The following MAP4 variants were observed in gnomAD, a reference collection of about 807,000 sequenced individuals.
MAP4 encodes microtubule associated protein 4, also known as microtubule-associated protein 4.
MAP4 carries 76 observed loss-of-function variants against 170.2 expected under a neutral mutation model. The observed-to-expected ratio is 0.45, with a 90% CI of 0.37 to 0.54. The LOEUF is 0.54. Ranked by LOEUF, MAP4 falls within the 20% of genes least tolerant of loss-of-function variation. MAP4 has a pLI of 0.00. For missense variants in MAP4, 2,506 were observed against 2,748.0 expected (o/e 0.91, Z 1.97); for synonymous variants, 909 against 994.5 (o/e 0.91, Z 1.62).
At chr3:47,986,180 T>C (rs1259526608) in intron 2 of MAP4, among the ~76,000 whole-genome samples, 1 of 152,200 alleles carries the variant, frequency 6.6e-6, no homozygotes, top group African/African-American at 2.4e-5. Flanking sequence ...GGTCTTGCTA[T>C]GTTACCCAGG....
intron 2 of MAP4, among the ~76,000 whole-genome samples, chr3:47,988,143 A>G (rs931853594): frequency 1.3e-4 from 19 of 151,604 alleles, no homozygotes; most frequent in Middle Eastern, 3.4e-3. Flanking sequence ...GCAGTGAGCC[A>G]AGATCGCGCC....
At chr3:47,987,481 A>T (rs2100089460) in intron 2 of MAP4, 1 of 1,257,668 alleles carries the variant, frequency 8.0e-7, no homozygotes, top group Non-Finnish European at 1.1e-6. Context: ...GGAAAGTTAC[A>T]TCTAAATCCA....
chr3:47,972,899 A>G (rs1330707602), intron 3 of MAP4, among the ~76,000 whole-genome samples: 3 of 151,916 alleles, frequency 2.0e-5, no homozygotes, highest in African/African-American at 7.2e-5. Context: ...AAAAAAAAAG[A>G]AAAAAGAAAA....
In MAP4 at chr3:47,921,853, A is replaced by G. The variant is rs141764604; in HGVS notation, c.441T>C (p.Asp147=). 12 of 1,585,428 alleles carry G rather than the reference A, an allele frequency of 7.6e-6. No homozygotes were observed. Among genetic ancestry groups the G allele is most frequent in the Non-Finnish European group, 1.0e-5 (12 of 1,153,746 alleles). The change falls in exon 5 of 21, where the codon GAT becomes GAC. Residue 147 remains aspartate, a synonymous_variant. Coordinates refer to ENST00000683076, the MANE Select transcript of MAP4 (RefSeq NM_001385682.1). The stretch of plus-strand genomic sequence containing the variant: ...AGGGAAAGACCAAATCTGCCAGGTC[A>G]TCATCATGGTACATCTTAAAGGGAT... ...QTDPFKMYHD[D]DLADLVFPSS... is the part of the protein sequence containing the mutation.
At chr3:48,005,195 A>C (rs1479123041) in intron 1 of MAP4, among the ~76,000 whole-genome samples, 2 of 152,136 alleles carry the variant, frequency 1.3e-5, no homozygotes, top group East Asian at 3.9e-4. Context: ...CCCTGTCTCT[A>C]CTAAAAATAC....
intron 2 of MAP4, among the ~76,000 whole-genome samples, chr3:47,983,195 G>A (rs1242277907): frequency 5.3e-5 from 8 of 151,916 alleles, no homozygotes; most frequent in Non-Finnish European, 4.4e-5. Flanking sequence ...ATGAGCCATG[G>A]CACCCGGCAA....
At chr3:47,986,660 T>C (rs955964935) in intron 2 of MAP4, among the ~76,000 whole-genome samples, 1 of 152,120 alleles carries the variant, frequency 6.6e-6, no homozygotes, top group African/African-American at 2.4e-5. Flanking sequence ...TCTTTCAGAC[T>C]AGGGTACTAT....
chr3:48,007,580 T>C (rs1477704074), intron 1 of MAP4, among the ~76,000 whole-genome samples: 3 of 152,122 alleles, frequency 2.0e-5, no homozygotes, highest in Non-Finnish European at 4.4e-5. Flanking sequence ...GGGGATGTTG[T>C]TTGGAGTCTT....
chr3:48,026,769 C>A (rs924483743), intron 1 of MAP4, among the ~76,000 whole-genome samples: 8 of 152,002 alleles, frequency 5.3e-5, no homozygotes, highest in Admixed American at 4.6e-4. Context: ...CCACCTACAT[C>A]ATTATTTCCA....
chr3:47,912,209 TCCCAGG>T lies in MAP4; in HGVS notation c.2206_2211del (p.Pro736_Gly737del). On this transcript the variant is annotated inframe_deletion, in exon 9 of 21. Coordinates refer to ENST00000683076, the MANE Select transcript of MAP4 (RefSeq NM_001385682.1). ...TCAACATGAATACTTTTTCTTTGGT[TCCCAGG>T]CCCACCACAGGAGGATGAACCAGAG... is the stretch of plus-strand genomic sequence containing the variant. 6.5e-7 allele frequency: 1 copy of T among 1,536,128 alleles called. No individual in the cohort carries two copies. Among genetic ancestry groups the T allele is most frequent in the South Asian group, 1.2e-5 (1 of 84,064 alleles).
intron 17 of MAP4, among the ~76,000 whole-genome samples, chr3:47,861,049 C>A (rs1308680090): frequency 1.3e-5 from 2 of 152,110 alleles, no homozygotes; most frequent in African/African-American, 4.8e-5. Flanking sequence ...CACAGTGAGA[C>A]CCTGTCTCTA....
rs1418667824 is a variant in MAP4 at position 47,855,730 on chromosome 3, A to G, written c.6584-370T>C. On this transcript the variant is annotated intron_variant, in intron 18 of 20. Coordinates refer to ENST00000683076, the MANE Select transcript of MAP4 (RefSeq NM_001385682.1). This position sits in a 1 kb window ranked among gnomAD's most constrained non-coding sequence, Gnocchi z 5.1. Reference sequence around the variant, plus strand: ...TGCCCTCCCGCTAACTGGGCCATGCAGTGCTTCTCAGGCACAGCCTCACTG... The same window carrying G: ...TGCCCTCCCGCTAACTGGGCCATGCGGTGCTTCTCAGGCACAGCCTCACTG... Among the ~76,000 whole-genome samples the G allele has an allele frequency of 6.6e-6, 1 of 152,104 alleles. No homozygotes were observed. The highest frequency in any genetic ancestry group is 1.5e-5 in the Non-Finnish European group (1 of 68,000).
intron 3 of MAP4, among the ~76,000 whole-genome samples, chr3:47,949,439 C>T (rs1309340479): frequency 7.0e-6 from 1 of 141,952 alleles, no homozygotes; most frequent in Non-Finnish European, 1.5e-5. Context: ...GCACTCCAAC[C>T]TGGGCAACAG....
At chr3:47,921,565 G>A (rs2100042877) in intron 5 of MAP4, among the ~76,000 whole-genome samples, 200 bp downstream of exon 5, 1 of 152,088 alleles carries the variant, frequency 6.6e-6, no homozygotes, top group Non-Finnish European at 1.5e-5. Flanking sequence ...GCTATATAAG[G>A]TGGAATTCTA....
intron 1 of MAP4, among the ~76,000 whole-genome samples, chr3:48,068,775 G>A (rs1383104229): frequency 2.0e-5 from 3 of 152,256 alleles, no homozygotes; most frequent in Admixed American, 6.5e-5. Context: ...CAGAGCGTCC[G>A]TCTCAAAGAA....
chr3:47,858,622 G>GCACGT (rs765888304), intron 17 of MAP4, among the ~76,000 whole-genome samples: 1 of 59,804 alleles, frequency 1.7e-5, no homozygotes, highest in African/African-American at 1.2e-4. Flanking sequence ...TGTGCGCGTT[G>GCACGT]TGTGTGTGTG....
intron 10 of MAP4, among the ~76,000 whole-genome samples, chr3:47,879,881 T>G (rs2152568366): frequency 6.6e-6 from 1 of 152,322 alleles, no homozygotes; most frequent in Non-Finnish European, 1.5e-5. Flanking sequence ...AAAAGAGTGG[T>G]GCAAGTAGAT....
At chr3:47,994,557 T>G (rs948635901) in intron 2 of MAP4, among the ~76,000 whole-genome samples, 1 of 152,248 alleles carries the variant, frequency 6.6e-6, no homozygotes, top group Non-Finnish European at 1.5e-5. Context: ...GATTTTCTTG[T>G]GCTTCATCTT....
At position 47,986,437 on chromosome 3, in the gene MAP4, T is replaced by A. The variant is rs1354792752; in HGVS notation, c.224-8504A>T. The stretch of plus-strand genomic sequence containing the variant: ...CTCACTGCAACCTCCACCTCCTGGG[T>A]TCAAGCAATTCTCGTTTCTCAGCCT... On this transcript the variant is annotated intron_variant, in intron 2 of 20. Transcript: ENST00000683076. Among the ~76,000 whole-genome samples, 3 of 152,216 alleles carry A rather than the reference T, an allele frequency of 2.0e-5. No individual in the cohort carries two copies. In the South Asian group the frequency reaches 6.2e-4, roughly 32 times the overall value.
Sources: allele counts gnomAD v4.1 joint callset (sites outside exome capture counted in the v4.1 genomes callset), GRCh38; gene constraint gnomAD v4.1.1; non-coding constraint Gnocchi (gnomAD v3.1); transcripts MANE v1.5; gene names NCBI Gene and HGNC (gene_info 2026-07-23, HGNC 2026-07-21).